The following FAT3 variants were observed in gnomAD, a reference collection of about 807,000 sequenced individuals.
The protein encoded by FAT3 is FAT atypical cadherin 3.
A neutral mutation model predicts 310.2 loss-of-function variants in FAT3; 95 were observed. The observed-to-expected ratio is 0.31, with a 90% CI of 0.26 to 0.36. The LOEUF (loss-of-function observed/expected upper bound fraction) is 0.36. Ranked by LOEUF, FAT3 falls within the 10% of genes least tolerant of loss-of-function variation. The probability of loss-of-function intolerance (pLI) is 1.00; values close to 1 mark genes in which losing one functional copy is unlikely to be tolerated. For synonymous variants in FAT3, 2,314 were observed against 2,192.9 expected, an observed-to-expected ratio of 1.06 and a Z score of -1.54; for missense variants, 5,408 against 5,715.6, an observed-to-expected ratio of 0.95 and a Z score of 1.74.
intron 3 of FAT3, among the ~76,000 whole-genome samples, chr11:92,667,824 C>T (rs1298365928): frequency 6.6e-6 from 1 of 152,204 alleles, no homozygotes; most frequent in African/African-American, 2.4e-5. Context: ...ATAGAAATGT[C>T]ATTGGCCTGA....
intron 1 of FAT3, among the ~76,000 whole-genome samples, chr11:92,225,983 C>A (rs1863890558): frequency 6.6e-6 from 1 of 152,108 alleles, no homozygotes; most frequent in Non-Finnish European, 1.5e-5. Context: ...CCCAGGAGTG[C>A]GGAGGAGCTG....
intron 14 of FAT3, among the ~76,000 whole-genome samples, chr11:92,832,281 A>G (rs1948284152): frequency 6.6e-6 from 1 of 152,182 alleles, no homozygotes; most frequent in Admixed American, 6.5e-5. Context: ...GGCTCTAGTG[A>G]GCAACATTCC....
In FAT3 at chr11:92,889,215, G is replaced by C; in HGVS notation, c.13078G>C (p.Val4360Leu). 1.4e-6 allele frequency: 1 copy of C among 713,796 alleles called. No individual in the cohort carries two copies. The highest frequency in any genetic ancestry group is 1.5e-5 in the South Asian group (1 of 66,884). The allele number at this position is 713,796 out of a possible 1,614,324, so 44.2% of individuals were successfully genotyped here. A position where few individuals can be genotyped will look rare whatever the true frequency, so the allele number is the denominator to read the frequency against. Residue 4360 changes from valine to leucine, a missense_variant, in exon 26 of 28, where the codon GTC becomes CTC. Val to Leu is a conservative substitution (Grantham distance 32, BLOSUM62 1). Coordinates refer to ENST00000525166, the MANE Select transcript of FAT3 (RefSeq NM_001367949.2). ...NASIVTVIQLVNNVVDTIENE... is the reference protein window; with the variant it reads ...NASIVTVIQLLNNVVDTIENE... ...CTCCATAGTGACTGTCATTCAGCTT[G>C]TCAACAATGTAGTTGACACTATAGA...
chr11:92,239,126 G>C (rs1052164690), intron 1 of FAT3, among the ~76,000 whole-genome samples: 1 of 152,064 alleles, frequency 6.6e-6, no homozygotes, highest in African/African-American at 2.4e-5. Flanking sequence ...GAGCTTCTAA[G>C]TGACTTGCCC....
rs886914056 is a variant in FAT3, at chr11:92,867,408, C to T, written c.12127+199C>T. On this transcript the variant is annotated intron_variant, in intron 22 of 27. Coordinates refer to ENST00000525166, the MANE Select transcript of FAT3 (RefSeq NM_001367949.2). ...TACAGGAGTGTCCAGTTTTGCCAAT[C>T]GTTTGCAGCTTCCCATAGGTGCAGT... Among the ~76,000 whole-genome samples, 4 of 152,344 alleles carry T rather than the reference C, an allele frequency of 2.6e-5. No homozygotes were observed. In the South Asian group the frequency reaches 8.3e-4, roughly 32 times the overall value.
intron 1 of FAT3, among the ~76,000 whole-genome samples, chr11:92,264,423 A>G (rs891222943): frequency 1.3e-5 from 2 of 152,134 alleles, no homozygotes; most frequent in African/African-American, 4.8e-5. Context: ...AAATGGTTAA[A>G]TTGAAGAAAC....
At chr11:92,528,900 C>A (rs575766) in intron 3 of FAT3, among the ~76,000 whole-genome samples, 73,174 of 152,032 alleles carry the variant, frequency 0.48, 17,774 homozygotes, top group Middle Eastern at 0.62. Flanking sequence ...CGTATTTCCC[C>A]CTAGAAAAAA....
At chr11:92,593,337 T>C (rs1939535064) in intron 3 of FAT3, among the ~76,000 whole-genome samples, 1 of 152,160 alleles carries the variant, frequency 6.6e-6, no homozygotes, top group South Asian at 2.1e-4. Context: ...AGTTTCTGGA[T>C]CATATGGTAA....
intron 3 of FAT3, among the ~76,000 whole-genome samples, chr11:92,572,829 T>G (rs1041088767): frequency 2.6e-5 from 4 of 152,324 alleles, no homozygotes; most frequent in African/African-American, 9.6e-5. Flanking sequence ...GATTTCCTCA[T>G]GAGGTGACTG....
At chr11:92,473,369 T>A (rs1396959038) in intron 2 of FAT3, among the ~76,000 whole-genome samples, 2 of 152,148 alleles carry the variant, frequency 1.3e-5, no homozygotes, top group Middle Eastern at 3.2e-3. Flanking sequence ...ATCAAATCCA[T>A]CAGCCACCAT....
rs771192470 is a variant in FAT3, at chr11:92,352,596, A to G, written c.484A>G (p.Thr162Ala). The G allele has an allele frequency of 6.2e-7, 1 of 1,613,842 alleles. No homozygotes were observed. The highest frequency in any genetic ancestry group is 8.5e-7 in the Non-Finnish European group (1 of 1,179,854). ...TCTGAGACCTTTGTTTTCACCCACA[A>G]CATACTCTGTTACCATAGCAGAAAG... The part of the protein sequence containing the change: ...NDLRPLFSPT[T>A]YSVTIAESTP... The change falls in exon 2 of 28, where the codon ACA (threonine) becomes GCA (alanine). Residue 162 changes from threonine to alanine, a missense_variant. Around this residue, in one of 5 missense-constraint regions of FAT3, gnomAD observed 5 missense variants for 16.9 expected, o/e 0.30. Transcript: ENST00000525166.
intron 3 of FAT3, among the ~76,000 whole-genome samples, chr11:92,574,336 C>A (rs891669260): frequency 6.6e-6 from 1 of 152,162 alleles, no homozygotes; most frequent in African/African-American, 2.4e-5. Context: ...CCAGAGATGA[C>A]AGAAGTATCT....
chr11:92,477,199 G>A (rs1248286132), intron 2 of FAT3, among the ~76,000 whole-genome samples: 1 of 152,182 alleles, frequency 6.6e-6, no homozygotes, highest in Non-Finnish European at 1.5e-5. Flanking sequence ...GAAAAGAATG[G>A]AGATTTCTAT....
At chr11:92,284,609 T>A (rs1301374352) in intron 1 of FAT3, among the ~76,000 whole-genome samples, 1 of 152,110 alleles carries the variant, frequency 6.6e-6, no homozygotes. Flanking sequence ...GCATGTTGAA[T>A]TCATTTGTCA....
At chr11:92,331,015 A>T (rs537980601) in intron 1 of FAT3, among the ~76,000 whole-genome samples, 5,082 of 139,216 alleles carry the variant, frequency 0.037, 283 homozygotes, top group African/African-American at 0.12. Flanking sequence ...AGAGAGAGAG[A>T]GAGAGAAACA....
chr11:92,837,472 G>C (rs567649178), intron 16 of FAT3, among the ~76,000 whole-genome samples, 191 bp from the exon 17 acceptor site: 9 of 152,284 alleles, frequency 5.9e-5, no homozygotes, highest in African/African-American at 2.2e-4. Flanking sequence ...AAATGCACAG[G>C]TCAGCCCCCA....
intron 1 of FAT3, among the ~76,000 whole-genome samples, chr11:92,289,390 A>G (rs915669478): frequency 6.6e-6 from 1 of 151,900 alleles, no homozygotes; most frequent in Non-Finnish European, 1.5e-5. Flanking sequence ...CACATGTCCA[A>G]GATGGATGTC....
intron 4 of FAT3, among the ~76,000 whole-genome samples, chr11:92,745,551 G>C (rs571746405): frequency 2.2e-4 from 30 of 134,762 alleles, no homozygotes; most frequent in Non-Finnish European, 4.6e-4. Context: ...AATGTGATGA[G>C]ATTAGTAGCT....
At chr11:92,661,586 T>G (rs1266741740) in intron 3 of FAT3, among the ~76,000 whole-genome samples, 1 of 151,990 alleles carries the variant, frequency 6.6e-6, no homozygotes, top group Non-Finnish European at 1.5e-5. Context: ...TCTGCTATAA[T>G]GCACTGGTGT....
Sources: allele counts gnomAD v4.1 joint callset (sites outside exome capture counted in the v4.1 genomes callset), GRCh38; gene constraint gnomAD v4.1.1; regional missense constraint gnomAD v4.1.1; transcripts MANE v1.5; gene names NCBI Gene and HGNC (gene_info 2026-07-23, HGNC 2026-07-21).